NAV3: variants seen among roughly 807,000 people sequenced by gnomAD.
The protein encoded by NAV3 is neuron navigator 3.
A neutral mutation model predicts 244.7 loss-of-function variants in NAV3; 87 were observed. The observed-to-expected ratio is 0.36, with a 90% CI of 0.30 to 0.42. NAV3 has a LOEUF of 0.42. Ranked by LOEUF, NAV3 falls within the 20% of genes least tolerant of loss-of-function variation. NAV3 has a pLI of 1.00. For synonymous variants in NAV3, 1,126 were observed against 1,042.2 expected, an observed-to-expected ratio of 1.08 and a Z score of -1.55; for missense variants, 2,663 against 2,893.3, an observed-to-expected ratio of 0.92 and a Z score of 1.83.
At chr12:77,637,111 C>T (rs1425532922) in intron 2 of NAV3, among the ~76,000 whole-genome samples, 1 of 151,886 alleles carries the variant, frequency 6.6e-6, no homozygotes, top group Non-Finnish European at 1.5e-5. Context: ...GCACATTCTA[C>T]ACATGTATCC....
At chr12:77,785,196 T>C (rs1053680305) in intron 2 of NAV3, among the ~76,000 whole-genome samples, 13 of 152,102 alleles carry the variant, frequency 8.5e-5, no homozygotes, top group African/African-American at 2.7e-4. Flanking sequence ...TATGCCTCCA[T>C]GCTGTGCTCC....
intron 2 of NAV3, among the ~76,000 whole-genome samples, chr12:77,704,788 C>A (rs1875717433): frequency 6.6e-6 from 1 of 152,142 alleles, no homozygotes; most frequent in Non-Finnish European, 1.5e-5. Context: ...TGGTTTACTT[C>A]TCACATTTTG....
chr12:77,995,019 G>A (rs1184050987), intron 6 of NAV3, 148 bp downstream of exon 6: 7 of 568,898 alleles, frequency 1.2e-5, no homozygotes, highest in South Asian at 7.2e-5. Flanking sequence ...TTCACACATA[G>A]CCTCAGGGAT....
chr12:77,777,071 A>C (rs1322451188), intron 2 of NAV3, among the ~76,000 whole-genome samples: 1 of 152,234 alleles, frequency 6.6e-6, no homozygotes, highest in Admixed American at 6.5e-5. Flanking sequence ...GCTTGCTTAT[A>C]AACTAGTCTC....
chr12:77,982,360 ATG>A (rs1565985166), intron 5 of NAV3, among the ~76,000 whole-genome samples: 2 of 61,382 alleles, frequency 3.3e-5, no homozygotes, highest in Non-Finnish European at 9.4e-5. Context: ...TACATCAGAT[ATG>A]TGGCTAAGAT....
intron 2 of NAV3, among the ~76,000 whole-genome samples, chr12:77,808,879 G>A (rs1453944993): frequency 6.6e-6 from 1 of 152,220 alleles, no homozygotes; most frequent in African/African-American, 2.4e-5. Flanking sequence ...GTCTCAGAGA[G>A]GAGGAATCTA....
At chr12:78,033,197 T>C (rs1879281051) in intron 9 of NAV3, among the ~76,000 whole-genome samples, 2 of 151,998 alleles carry the variant, frequency 1.3e-5, no homozygotes, top group Non-Finnish European at 2.9e-5. Flanking sequence ...GTGGGAAATA[T>C]CTGACATTTA....
At chr12:77,681,093 G>T (rs1565769460) in intron 2 of NAV3, among the ~76,000 whole-genome samples, 1 of 152,070 alleles carries the variant, frequency 6.6e-6, no homozygotes, top group African/African-American at 2.4e-5. Context: ...TATCTTTAGG[G>T]TTAGCAGCTT....
In NAV3 at chr12:78,122,189, A is replaced by G. The variant is rs1253942696; in HGVS notation, c.3999A>G (p.Pro1333=). The G allele has an allele frequency of 6.2e-7, 1 of 1,614,142 alleles. No individual in the cohort carries two copies. ...ISLSHSLASS[P]ASVHSFTSGG... is the part of the protein sequence containing the mutation. ...TAAGTCACTCGTTGGCCTCCAGCCC[A>G]GCATCGGTTCACTCTTTCACATCAG... The change falls in exon 16 of 40, where the codon CCA becomes CCG. Residue 1333 remains proline (P), a synonymous_variant. Transcript: ENST00000397909.
At chr12:77,631,897 G>T (rs1388338591) in intron 2 of NAV3, among the ~76,000 whole-genome samples, 1 of 152,170 alleles carries the variant, frequency 6.6e-6, no homozygotes, top group Non-Finnish European at 1.5e-5. Flanking sequence ...TGTACTGTTT[G>T]CCTAAATAAC....
At chr12:78,184,158 A>C (rs1958613824) in intron 30 of NAV3, among the ~76,000 whole-genome samples, 1 of 151,932 alleles carries the variant, frequency 6.6e-6, no homozygotes, top group African/African-American at 2.4e-5. Flanking sequence ...CTCCAAAAAA[A>C]CAAGGAATTC....
intron 1 of NAV3, among the ~76,000 whole-genome samples, chr12:77,842,850 A>G (rs1875926385): frequency 6.6e-6 from 1 of 152,204 alleles, no homozygotes; most frequent in South Asian, 2.1e-4. Context: ...TAGTTGTGGT[A>G]TAAGACTATT....
chr12:78,023,292 T>G (rs1877468463), intron 9 of NAV3, among the ~76,000 whole-genome samples: 2 of 152,178 alleles, frequency 1.3e-5, no homozygotes, highest in Non-Finnish European at 2.9e-5. Context: ...AGTCTGTATT[T>G]GATGTTTTTC....
At chr12:77,573,805 A>G (rs1213493699) in intron 2 of NAV3, among the ~76,000 whole-genome samples, 1 of 152,164 alleles carries the variant, frequency 6.6e-6, no homozygotes, top group Non-Finnish European at 1.5e-5. Context: ...TGCTGCTTTT[A>G]TGACAAAAAA....
intron 38 of NAV3, among the ~76,000 whole-genome samples, chr12:78,201,099 G>T (rs1175119752): frequency 4.3e-5 from 5 of 116,258 alleles, no homozygotes; most frequent in Admixed American, 2.2e-4. Context: ...TTGAGACAGG[G>T]TCTCACTCTG....
chr12:77,870,962 T>A (rs532268147), intron 1 of NAV3, among the ~76,000 whole-genome samples: 1 of 152,138 alleles, frequency 6.6e-6, no homozygotes, highest in African/African-American at 2.4e-5. Context: ...GATTAAAAAA[T>A]TGTACACATG....
intron 31 of NAV3, 39 bp from the exon 32 acceptor site, chr12:78,188,209 C>A: frequency 7.1e-7 from 1 of 1,403,630 alleles, no homozygotes; most frequent in Non-Finnish European, 1.0e-6. Context: ...AAAAGATACA[C>A]GGTTGGATTT....
chr12:77,693,551 C>G lies in NAV3; in HGVS notation c.72+121285C>G, dbSNP rs187449196. Among the ~76,000 whole-genome samples the G allele has an allele frequency of 3.1e-4, 47 of 152,170 alleles. 1 individual carries two copies. Among genetic ancestry groups the G allele is most frequent in the African/African-American group, 1.0e-3 (43 of 41,518 alleles). On this transcript the variant is annotated intron_variant, in intron 2 of 8. Coordinates refer to the NAV3 transcript ENST00000550042. ...GACAACTTGCTACTCATTATAGCTTCTTGTTACTTGCAAAGGACTCTGAGA... is the reference window on the plus strand; with the variant it reads ...GACAACTTGCTACTCATTATAGCTTGTTGTTACTTGCAAAGGACTCTGAGA...
intron 21 of NAV3, among the ~76,000 whole-genome samples, chr12:78,147,255 T>C (rs559824231): frequency 1.3e-5 from 2 of 152,196 alleles, no homozygotes; most frequent in African/African-American, 4.8e-5. Flanking sequence ...TCAAAGTGGT[T>C]TTATTTACAT....
Sources: gnomAD v4.1 joint callset for allele counts (sites outside exome capture counted in the v4.1 genomes callset) on GRCh38, gnomAD v4.1.1 for gene constraint, MANE v1.5 for transcripts, NCBI Gene and HGNC (gene_info 2026-07-23, HGNC 2026-07-21) for gene names.